Variants in CAPN7 observed in about 807,000 individuals in gnomAD.
CAPN7 encodes calpain-7.
Under a neutral mutation model 115.2 loss-of-function variants are expected in CAPN7, and 72 were observed. That is an observed-to-expected ratio of 0.63 (90% CI 0.52 to 0.76). CAPN7 has a LOEUF of 0.76. Among genes scored for constraint, CAPN7 ranks in the 30% least tolerant of loss-of-function variants. The pLI is 0.00. For synonymous variants in CAPN7, 344 were observed against 322.3 expected (o/e 1.07, Z -0.72); for missense variants, 905 against 971.5 (o/e 0.93, Z 0.91).
intron 9 of CAPN7, among the ~76,000 whole-genome samples, chr3:15,230,859 A>C (rs1347474440): frequency 1.3e-5 from 2 of 152,246 alleles, no homozygotes; most frequent in Non-Finnish European, 2.9e-5. Flanking sequence ...GAAATCAGAC[A>C]AACTAAATCT....
chr3:15,228,590 T>G (rs1244741631), intron 7 of CAPN7, among the ~76,000 whole-genome samples: 1 of 152,202 alleles, frequency 6.6e-6, no homozygotes, highest in Non-Finnish European at 1.5e-5. Flanking sequence ...GCCATTATCC[T>G]TAGCAAACTG....
intron 1 of CAPN7, among the ~76,000 whole-genome samples, chr3:15,210,105 A>G (rs532599833): frequency 1.7e-4 from 26 of 151,988 alleles, no homozygotes; most frequent in African/African-American, 5.8e-4. Context: ...GGCTAAAACA[A>G]TCTTCCAGCC....
rs1303072985 is a variant in CAPN7 at position 15,206,469 on chromosome 3, C to T, written c.-27C>T. 2.0e-6 allele frequency: 3 copies of T among 1,521,266 alleles called. No homozygotes were observed. The highest frequency in any genetic ancestry group is 2.7e-6 in the Non-Finnish European group (3 of 1,126,470). The allele number at this position is 1,521,266 out of a possible 1,614,324, so 94.2% of individuals were successfully genotyped here. A position where few individuals can be genotyped will look rare whatever the true frequency, so the allele number is the denominator to read the frequency against. ...GCCGTCCTGCGTCAGGGCCTCCTTC[C>T]CTGCCCCGGCGCGGGGCCACTGCGC... On this transcript the variant is annotated 5_prime_UTR_variant, in exon 1 of 21. Transcript: ENST00000253693.
At chr3:15,247,182 A>G in intron 18 of CAPN7, 145 bp from the exon 19 acceptor site, 1 of 613,642 alleles carries the variant, frequency 1.6e-6, no homozygotes, top group Non-Finnish European at 2.8e-6. Context: ...CCTGGCTGTC[A>G]GCAGCAAATA....
At position 15,251,550 on chromosome 3, in the gene CAPN7, C is replaced by T. The variant is rs1696005863; in HGVS notation, c.*290C>T. 1 of 218,322 alleles carries T rather than the reference C, an allele frequency of 4.6e-6. No individual in the cohort carries two copies. The highest frequency in any genetic ancestry group is 2.3e-5 in the African/African-American group (1 of 43,914). 13.5% of individuals were successfully genotyped at this position (218,322 alleles called of 1,614,324 possible). ...GCATATGATTAAAATTAGACTCAGT[C>T]ATCACTGTGAGATGCCTTTGCTAAG... On this transcript the variant is annotated 3_prime_UTR_variant, in exon 21 of 21. Coordinates refer to ENST00000253693, the MANE Select transcript of CAPN7 (RefSeq NM_014296.3).
chr3:15,231,686 C>G (rs1485775498), intron 9 of CAPN7, among the ~76,000 whole-genome samples: 1 of 152,114 alleles, frequency 6.6e-6, no homozygotes, highest in Non-Finnish European at 1.5e-5. Context: ...CCCACCACCA[C>G]GCCCGGCTAA....
rs867654569 is a variant in CAPN7, at chr3:15,206,529, C to A, written c.34C>A (p.Gln12Lys). 6.4e-7 allele frequency: 1 copy of A among 1,555,770 alleles called. No homozygotes were observed. The highest frequency in any genetic ancestry group is 8.7e-7 in the Non-Finnish European group (1 of 1,150,252). The change falls in exon 1 of 21, where the codon CAG becomes AAG. Residue 12 changes from glutamine to lysine, a missense_variant. Physicochemically the swap from Gln to Lys is moderately conservative, Grantham distance 53. This residue lies in a region of CAPN7 where 271 missense variants were observed against 239.6 expected (regional missense o/e 1.13). Transcript: ENST00000253693. The stretch of plus-strand genomic sequence containing the variant: ...CACAGCACTGGAGCGGGACGCTGTG[C>A]AGTTCGCCCGTCTGGCGGTTCAGCG... ...DATALERDAV[Q>K]FARLAVQRDH...
chr3:15,229,290 A>C (rs1694524531), intron 8 of CAPN7, among the ~76,000 whole-genome samples: 1 of 152,170 alleles, frequency 6.6e-6, no homozygotes, highest in African/African-American at 2.4e-5. Context: ...AAATAAATGA[A>C]ATTGATCAAA....
At chr3:15,218,901 T>G (rs983562893) in intron 4 of CAPN7, among the ~76,000 whole-genome samples, 3 of 152,220 alleles carry the variant, frequency 2.0e-5, no homozygotes, top group African/African-American at 7.2e-5. Context: ...CTTTCAGCCA[T>G]GTACATACCT....
intron 16 of CAPN7, among the ~76,000 whole-genome samples, chr3:15,242,620 C>G (rs560627538): frequency 3.7e-4 from 56 of 152,134 alleles, no homozygotes; most frequent in Non-Finnish European, 7.6e-4. Flanking sequence ...CCTTAATCTA[C>G]CTGCCCCCCT....
chr3:15,237,341 A>G (rs1695052213), intron 12 of CAPN7, among the ~76,000 whole-genome samples: 1 of 152,230 alleles, frequency 6.6e-6, no homozygotes, highest in Admixed American at 6.5e-5. Flanking sequence ...TCAATTGGCA[A>G]TAGAACTTTT....
At chr3:15,246,499 C>T in intron 17 of CAPN7, 1 of 436,420 alleles carries the variant, frequency 2.3e-6, no homozygotes, top group Non-Finnish European at 4.1e-6. Context: ...ATGCAGAAGC[C>T]ACAGCCTGGA....
intron 7 of CAPN7, among the ~76,000 whole-genome samples, chr3:15,228,250 AT>A (rs1284055144): frequency 6.6e-6 from 1 of 152,260 alleles, no homozygotes; most frequent in African/African-American, 2.4e-5. Context: ...AGGAATAGAT[AT>A]CAGCAATAGA....
Position 15,240,620 on chromosome 3 carries a change from A to G in CAPN7, c.1552+3A>G, listed in dbSNP as rs373657897. The G allele has an allele frequency of 4.6e-5, 73 of 1,585,162 alleles. No individual in the cohort carries two copies. In the African/African-American group the frequency reaches 9.0e-4, roughly 20 times the overall value. ...AACAGCTCAGAAAATAGACAACGGT[A>G]AATATATCTTTTTAATTTTAATACC... On this transcript the variant is annotated splice_donor_region_variant and intron_variant, in intron 13 of 20. Transcript: ENST00000253693.
At chr3:15,213,850 AC>A (rs779186951) in intron 2 of CAPN7, among the ~76,000 whole-genome samples, 1 of 151,744 alleles carries the variant, frequency 6.6e-6, no homozygotes, top group Non-Finnish European at 1.5e-5. Flanking sequence ...AAGAATAAAG[AC>A]TTGCCAGTGA....
chr3:15,234,060 A>G lies in CAPN7; in HGVS notation c.1286+87A>G, dbSNP rs140835603. ...GCTGGGCGTGGTGGGTCATGCCTGTAATCCCAGCACTATGGGAGGCCAAGG... is the reference window on the plus strand; with the variant it reads ...GCTGGGCGTGGTGGGTCATGCCTGTGATCCCAGCACTATGGGAGGCCAAGG... On this transcript the variant is annotated intron_variant, in intron 11 of 20. Coordinates refer to ENST00000253693, the MANE Select transcript of CAPN7 (RefSeq NM_014296.3). The G allele has an allele frequency of 1.7e-4, 121 of 714,030 alleles. 1 individual carries two copies. In the African/African-American group the frequency reaches 1.7e-3, roughly 10 times the overall value. The allele number at this position is 714,030 out of a possible 1,614,324, so 44.2% of individuals were successfully genotyped here. A position where few individuals can be genotyped will look rare whatever the true frequency, so the allele number is the denominator to read the frequency against.
intron 16 of CAPN7, among the ~76,000 whole-genome samples, chr3:15,243,673 A>G (rs1020339197): frequency 1.2e-4 from 19 of 152,142 alleles, no homozygotes; most frequent in African/African-American, 4.6e-4. Flanking sequence ...AGTTCCATCT[A>G]TTGATGTTTG....
chr3:15,244,923 T>C (rs370324147), intron 16 of CAPN7, among the ~76,000 whole-genome samples: 2 of 152,118 alleles, frequency 1.3e-5, no homozygotes, highest in South Asian at 4.1e-4. Flanking sequence ...ATGAAAGATA[T>C]AAGACATGCA....
chr3:15,217,406 A>T lies in CAPN7; in HGVS notation c.212-19A>T, dbSNP rs202217248. 3,394 of 1,539,732 alleles carry T rather than the reference A, an allele frequency of 2.2e-3. 57 individuals carry two copies. The African/African-American group carries it at 0.036, about 16-fold the overall frequency. On this transcript the variant is annotated intron_variant, in intron 2 of 20. Coordinates refer to ENST00000253693, the MANE Select transcript of CAPN7 (RefSeq NM_014296.3). ...TATTTAGATAATACTCCTTCTGCGT[A>T]TTTTTTTTTCTATCCTAGTTCAGTC...
Sources: allele counts gnomAD v4.1 joint callset (sites outside exome capture counted in the v4.1 genomes callset), GRCh38; gene constraint gnomAD v4.1.1; regional missense constraint gnomAD v4.1.1; transcripts MANE v1.5; gene names NCBI Gene and HGNC (gene_info 2026-07-23, HGNC 2026-07-21).